Variants in PIP observed in about 807,000 individuals in gnomAD.
PIP encodes prolactin-inducible protein.
A neutral mutation model predicts 12.8 loss-of-function variants in PIP; 9 were observed. That is an observed-to-expected ratio of 0.70 (90% confidence interval 0.42 to 1.23). The LOEUF (loss-of-function observed/expected upper bound fraction) is 1.23. Among genes scored for constraint, PIP ranks in the 50% most tolerant of loss-of-function variants. PIP has a pLI of 0.00. For synonymous variants in PIP, 60 were observed against 66.1 expected, an observed-to-expected ratio of 0.91 and a Z score of 0.45; for missense variants, 172 against 179.5, an observed-to-expected ratio of 0.96 and a Z score of 0.24.
At position 143,139,158 on chromosome 7, in the gene PIP, A is replaced by G. The variant is rs754888422; in HGVS notation, c.285A>G (p.Pro95=). 1.9e-6 allele frequency: 3 copies of G among 1,595,858 alleles called. No individual in the cohort carries two copies. In the East Asian group the frequency reaches 6.7e-5, roughly 36 times the overall value. ...CTGCCTGCCTATGTGACGACAATCC[A>G]AAAACCTTCTACTGGGACTTTTACA... The part of the protein sequence containing the change: ...KYTACLCDDN[P]KTFYWDFYTN... The change falls in exon 3 of 4, where the codon CCA becomes CCG. Residue 95 remains proline, a synonymous_variant. Coordinates refer to ENST00000291009, the MANE Select transcript of PIP (RefSeq NM_002652.3).
At chr7:143,134,152 T>A (rs1799273348) in intron 1 of PIP, among the ~76,000 whole-genome samples, 2 of 137,866 alleles carry the variant, frequency 1.5e-5, no homozygotes, top group Admixed American at 1.5e-4. Flanking sequence ...GTTAATTCAT[T>A]CCTTATTATG....
chr7:143,133,902 T>A (rs570621642), intron 1 of PIP, among the ~76,000 whole-genome samples: 1 of 151,562 alleles, frequency 6.6e-6, no homozygotes, highest in Admixed American at 6.6e-5. Context: ...GTGATGAGAT[T>A]TTGGTGCACC....
In PIP at chr7:143,133,855, C is replaced by A. The variant is rs765567131; in HGVS notation, c.96-1339C>A. 7.3e-5 allele frequency among the ~76,000 whole-genome samples: 11 copies of A among 151,548 alleles called. No homozygotes were observed. The South Asian group carries it at 2.1e-3, about 29-fold the overall frequency. On this transcript the variant is annotated intron_variant, in intron 1 of 3. Transcript: ENST00000291009. The stretch of plus-strand genomic sequence containing the variant: ...TATTTTTCCATAAGTTACTGGGGTA[C>A]AAGTGGTATTTGGTTACATGAGTAA...
intron 2 of PIP, among the ~76,000 whole-genome samples, chr7:143,137,904 A>G (rs534122093): frequency 3.9e-5 from 4 of 103,298 alleles, no homozygotes; most frequent in Admixed American, 1.8e-4. Flanking sequence ...TGTCTCTTAG[A>G]AAAAAAAAAA....
At chr7:143,136,125 T>C (rs1342132294) in intron 2 of PIP, among the ~76,000 whole-genome samples, 1 of 151,914 alleles carries the variant, frequency 6.6e-6, no homozygotes, top group African/African-American at 2.4e-5. Context: ...ATGCAGTTAT[T>C]AATCCACAGT....
At chr7:143,134,168 G>T (rs1799273928) in intron 1 of PIP, among the ~76,000 whole-genome samples, 1 of 123,964 alleles carries the variant, frequency 8.1e-6, no homozygotes, top group Non-Finnish European at 1.6e-5. Context: ...TTATGGCTGA[G>T]TAGTAGTATT....
In PIP at chr7:143,139,520, A is replaced by T; in HGVS notation, c.319A>T (p.Thr107Ser). 1 of 1,613,304 alleles carries T rather than the reference A, an allele frequency of 6.2e-7. No individual in the cohort carries two copies. The highest frequency in any genetic ancestry group is 2.2e-5 in the East Asian group (1 of 44,888). ...ATCTCCGTCCCTGTCTTTTTCAGGA[A>T]CTGTGCAAATTGCAGCCGTCGTTGA... is the stretch of plus-strand genomic sequence containing the variant. Reference protein sequence around the residue: ...TFYWDFYTNRTVQIAAVVDVI... With the variant: ...TFYWDFYTNRSVQIAAVVDVI... The change falls in exon 4 of 4, where the codon ACT (threonine) becomes TCT (serine). Residue 107 changes from threonine to serine, a missense_variant and splice_region_variant. Coordinates refer to ENST00000291009, the MANE Select transcript of PIP (RefSeq NM_002652.3).
rs73170678 is a variant in PIP at position 143,139,110 on chromosome 7, A to T, written c.237A>T (p.Gln79His). 195,895 of 1,595,372 alleles carry T rather than the reference A, an allele frequency of 0.12. 15,315 individuals carry two copies. Among genetic ancestry groups the T allele is most frequent in the Non-Finnish European group, 0.14 (165,875 of 1,162,650 alleles). ...ACCTCATTAGCAGCATCCCTCTACA[A>T]GGTGCATTTAACTATAAGTATACTG... is the stretch of plus-strand genomic sequence containing the variant. ...KTYLISSIPLQGAFNYKYTAC... is the reference protein window; with the variant it reads ...KTYLISSIPLHGAFNYKYTAC... Residue 79 changes from glutamine (Q) to histidine (H), a missense_variant, in exon 3 of 4, where the codon CAA becomes CAT. Transcript: ENST00000291009.
Position 143,135,188 on chromosome 7 carries a change from A to G in PIP, c.96-6A>G. 1 of 1,467,452 alleles carries G rather than the reference A, an allele frequency of 6.8e-7. No homozygotes were observed. Among genetic ancestry groups the G allele is most frequent in the African/African-American group, 1.4e-5 (1 of 72,352 alleles). The allele number at this position is 1,467,452 out of a possible 1,614,324, so 90.9% of individuals were successfully genotyped here. A position where few individuals can be genotyped will look rare whatever the true frequency, so the allele number is the denominator to read the frequency against. ...TGGTGTTCTGATTCTCTCTTCCCAC[A>G]ATCAGTCGGAAGATCATAATAAAGA... is the stretch of plus-strand genomic sequence containing the variant. On this transcript the variant is annotated splice_region_variant and splice_polypyrimidine_tract_variant and intron_variant, in intron 1 of 3. Transcript: ENST00000291009.
At chr7:143,139,280 G>C in intron 3 of PIP, 91 bp downstream of exon 3, 1 of 902,026 alleles carries the variant, frequency 1.1e-6, no homozygotes, top group Non-Finnish European at 1.9e-6. Flanking sequence ...AACCGAGCAG[G>C]ACCAGGACCT....
intron 2 of PIP, 107 bp downstream of exon 2, chr7:143,135,406 T>G (rs954016964): frequency 2.2e-5 from 12 of 545,606 alleles, no homozygotes; most frequent in Non-Finnish European, 4.0e-5. Context: ...TAATGAAACA[T>G]TCTCACTTAT....
At chr7:143,134,235 C>A (rs58255549) in intron 1 of PIP, among the ~76,000 whole-genome samples, 7,664 of 65,168 alleles carry the variant, frequency 0.12, 569 homozygotes, top group African/African-American at 0.2. Flanking sequence ...TATATATATA[C>A]CACAGTTTCT....
At chr7:143,135,662 A>G (rs187373563) in intron 2 of PIP, among the ~76,000 whole-genome samples, 46 of 152,164 alleles carry the variant, frequency 3.0e-4, no homozygotes, top group Non-Finnish European at 5.3e-4. Context: ...CAGAAGAGAA[A>G]GCAGCAACTC....
In PIP at chr7:143,135,248, C is replaced by T. The variant is rs112182232; in HGVS notation, c.150C>T (p.Asp50=). 7.0e-4 allele frequency: 1,121 copies of T among 1,603,172 alleles called. 11 individuals carry two copies. In the African/African-American group the frequency reaches 0.013, roughly 19 times the overall value. ...TTCCCAAGTCAGTACGTCCAAATGA[C>T]GAAGTCACTGCAGTGCTTGCAGTTC... ...FDIPKSVRPN[D]EVTAVLAVQT... Residue 50 remains aspartate (D), a synonymous_variant, in exon 2 of 4, where the codon GAC becomes GAT. Coordinates refer to ENST00000291009, the MANE Select transcript of PIP (RefSeq NM_002652.3).
At position 143,134,228 on chromosome 7, in the gene PIP, AT is replaced by A. The variant is rs1563015868; in HGVS notation, c.96-965del. Among the ~76,000 whole-genome samples, 254 of 89,972 alleles carry A rather than the reference AT, an allele frequency of 2.8e-3. 10 individuals carry two copies. Among genetic ancestry groups the A allele is most frequent in the African/African-American group, 8.2e-3 (183 of 22,426 alleles). The allele number at this position is 89,972 out of a possible 152,430, so 59.0% of individuals were successfully genotyped here. A position where few individuals can be genotyped will look rare whatever the true frequency, so the allele number is the denominator to read the frequency against. Reference sequence around the variant, plus strand: ...TATATATATATATATATATATATATATATATACCACAGTTTCTTTATCCACT... The same window carrying A: ...TATATATATATATATATATATATATAATATACCACAGTTTCTTTATCCACT... On this transcript the variant is annotated intron_variant, in intron 1 of 3. Coordinates refer to ENST00000291009, the MANE Select transcript of PIP (RefSeq NM_002652.3).
chr7:143,134,823 T>A (rs764195834), intron 1 of PIP, among the ~76,000 whole-genome samples: 6 of 151,988 alleles, frequency 3.9e-5, no homozygotes, highest in Non-Finnish European at 7.4e-5. Context: ...GTTGGTTCCA[T>A]GATTTTGCAA....
chr7:143,134,403 T>C (rs1267732827), intron 1 of PIP, among the ~76,000 whole-genome samples: 1 of 150,768 alleles, frequency 6.6e-6, no homozygotes, highest in Non-Finnish European at 1.5e-5. Context: ...GATCAAATGG[T>C]GGTTCTATTT....
Position 143,139,687 on chromosome 7 carries a change from G to T in PIP, c.*45G>T. The T allele has an allele frequency of 1.9e-6, 3 of 1,568,348 alleles. No individual in the cohort carries two copies. The highest frequency in any genetic ancestry group is 2.6e-6 in the Non-Finnish European group (3 of 1,144,708). On this transcript the variant is annotated 3_prime_UTR_variant, in exon 4 of 4. Coordinates refer to ENST00000291009, the MANE Select transcript of PIP (RefSeq NM_002652.3). ...CCACACCCAGGTGATTTCCTCTAAA[G>T]AAACTTGGCTGGAATTTCTGCTGTG...
intron 2 of PIP, among the ~76,000 whole-genome samples, chr7:143,137,837 T>C (rs1170379991): frequency 6.6e-6 from 1 of 151,142 alleles, no homozygotes; most frequent in African/African-American, 2.4e-5. Context: ...GAGGCGGAGG[T>C]TGCAGTGAGC....
Sources: allele counts gnomAD v4.1 joint callset (sites outside exome capture counted in the v4.1 genomes callset), GRCh38; gene constraint gnomAD v4.1.1; transcripts MANE v1.5; gene names NCBI Gene and HGNC (gene_info 2026-07-23, HGNC 2026-07-21).